STXBP5L: variants seen among roughly 807,000 people sequenced by gnomAD.
STXBP5L encodes syntaxin-binding protein 5-like.
In STXBP5L, 65 loss-of-function variants were observed where a neutral mutation model predicts 144.5. The ratio of observed to expected loss-of-function variants is 0.45; its 90% CI spans 0.37 to 0.55. The LOEUF (loss-of-function observed/expected upper bound fraction) is 0.55, where lower values mean the gene tolerates loss of function less well. Ranked by LOEUF, STXBP5L falls within the 20% of genes least tolerant of loss-of-function variation. STXBP5L has a pLI of 0.00. For synonymous variants in STXBP5L, 505 were observed against 469.6 expected, an observed-to-expected ratio of 1.08 and a Z score of -0.97; for missense variants, 1,298 against 1,405.5, an observed-to-expected ratio of 0.92 and a Z score of 1.22.
chr3:121,005,530 GT>G (rs1300091329), intron 3 of STXBP5L, among the ~76,000 whole-genome samples: 2 of 152,018 alleles, frequency 1.3e-5, no homozygotes, highest in African/African-American at 2.4e-5. Context: ...GTTTTGAAGG[GT>G]TTTTTGTGTC....
At chr3:121,138,215 G>A (rs1446662136) in intron 7 of STXBP5L, among the ~76,000 whole-genome samples, 1 of 151,766 alleles carries the variant, frequency 6.6e-6, no homozygotes, top group Non-Finnish European at 1.5e-5. Context: ...GGTGAAAGGA[G>A]GTCTCTACAT....
At chr3:121,056,897 T>G (rs553546034) in intron 5 of STXBP5L, among the ~76,000 whole-genome samples, 1 of 151,404 alleles carries the variant, frequency 6.6e-6, no homozygotes, top group South Asian at 2.1e-4. Context: ...TATTTTTTTG[T>G]TAAACAAATT....
At chr3:121,235,495 C>T (rs2049447618) in intron 12 of STXBP5L, among the ~76,000 whole-genome samples, 1 of 151,942 alleles carries the variant, frequency 6.6e-6, no homozygotes, top group Admixed American at 6.6e-5. Context: ...AACAATTTTT[C>T]TCAAAAATTT....
chr3:121,342,374 T>C (rs2044746705), intron 20 of STXBP5L, among the ~76,000 whole-genome samples: 1 of 152,070 alleles, frequency 6.6e-6, no homozygotes, highest in African/African-American at 2.4e-5. Flanking sequence ...TACTTTAAGT[T>C]TTAGGGTACA....
At chr3:121,303,405 T>A (rs1011111817) in intron 19 of STXBP5L, among the ~76,000 whole-genome samples, 1 of 152,046 alleles carries the variant, frequency 6.6e-6, no homozygotes, top group Non-Finnish European at 1.5e-5. Context: ...TGTGGAGAAA[T>A]AGGAATACTT....
rs114453054 is a variant in STXBP5L at position 120,915,210 on chromosome 3, T to C, written c.189+5443T>C. On this transcript the variant is annotated intron_variant, in intron 2 of 26. Transcript: ENST00000471454. ...AATCTTAACATAATTTCCAAGTATG[T>C]TTTTCTGTAGGAGTATTATCACTAA... Among the ~76,000 whole-genome samples, 171 of 152,254 alleles carry C rather than the reference T, an allele frequency of 1.1e-3. 1 individual carries two copies. The highest frequency in any genetic ancestry group is 3.8e-3 in the African/African-American group (160 of 41,566).
intron 3 of STXBP5L, among the ~76,000 whole-genome samples, chr3:120,958,426 G>C (rs1160696382): frequency 2.0e-5 from 3 of 152,160 alleles, no homozygotes; most frequent in Admixed American, 2.0e-4. Flanking sequence ...GCATCATCCT[G>C]ATACCAAAGG....
intron 5 of STXBP5L, among the ~76,000 whole-genome samples, chr3:121,113,891 C>T (rs1339950615): frequency 6.6e-6 from 1 of 151,936 alleles, no homozygotes; most frequent in Non-Finnish European, 1.5e-5. Flanking sequence ...CCAGGATGGT[C>T]TTGATCTCTT....
intron 3 of STXBP5L, among the ~76,000 whole-genome samples, chr3:120,960,613 C>G (rs566784127): frequency 1.3e-5 from 2 of 152,130 alleles, no homozygotes; most frequent in Non-Finnish European, 2.9e-5. Flanking sequence ...TTTGTAGGGA[C>G]ATGGATGAAG....
intron 3 of STXBP5L, among the ~76,000 whole-genome samples, chr3:120,997,439 C>G (rs1174336716): frequency 3.3e-5 from 5 of 152,200 alleles, no homozygotes. Context: ...TTCTCCATAA[C>G]TGTGCCAATA....
chr3:121,391,813 T>C (rs2046593829), intron 22 of STXBP5L, among the ~76,000 whole-genome samples: 1 of 152,174 alleles, frequency 6.6e-6, no homozygotes, highest in South Asian at 2.1e-4. Flanking sequence ...ATGAGGTGCC[T>C]GGCTGCCCCT....
At chr3:121,375,226 AACAGATATAAACAT>A (rs2046148327) in intron 20 of STXBP5L, among the ~76,000 whole-genome samples, 2 of 152,232 alleles carry the variant, frequency 1.3e-5, no homozygotes, top group African/African-American at 4.8e-5. Flanking sequence ...TAAGTCTTGG[AACAGATATAAACAT>A]ACAGATATGG....
rs556934895 is a variant in STXBP5L, at chr3:121,421,306, T to G, written c.*2209T>G. The G allele has an allele frequency of 6.6e-6, 1 of 152,318 alleles. No homozygotes were observed. The highest frequency in any genetic ancestry group is 1.5e-5 in the Non-Finnish European group (1 of 68,016). 9.4% of individuals were successfully genotyped at this position (152,318 alleles called of 1,614,324 possible). On this transcript the variant is annotated 3_prime_UTR_variant, in exon 27 of 27. Coordinates refer to ENST00000471454, the MANE Select transcript of STXBP5L (RefSeq NM_001308330.2). ...TGATGAGTATTTCTGAAGCCTTCAA[T>G]AAGATTTAACTTGTTTTAACTTGAT...
At chr3:121,408,719 G>C (rs1158755013) in intron 23 of STXBP5L, among the ~76,000 whole-genome samples, 2 of 151,902 alleles carry the variant, frequency 1.3e-5, no homozygotes, top group Non-Finnish European at 2.9e-5. Flanking sequence ...ACCTTCTCTA[G>C]CCATGTGTTA....
In STXBP5L at chr3:121,076,297, A is replaced by C. The variant is rs1280266957; in HGVS notation, c.470+30762A>C. ...CTTCTGAGTCTGAGCCTCTGTAGGC[A>C]GCTGGGGCAGCCTCCTGTCTAAGCC... is the stretch of plus-strand genomic sequence containing the variant. On this transcript the variant is annotated intron_variant, in intron 5 of 26. Transcript: ENST00000471454. 2.0e-5 allele frequency among the ~76,000 whole-genome samples: 3 copies of C among 152,294 alleles called. No homozygotes were observed. In the East Asian group the frequency reaches 5.8e-4, roughly 29 times the overall value.
intron 5 of STXBP5L, among the ~76,000 whole-genome samples, chr3:121,051,723 A>C (rs1948014807): frequency 6.6e-6 from 1 of 152,322 alleles, no homozygotes; most frequent in African/African-American, 2.4e-5. Flanking sequence ...AGAAGGCAAG[A>C]AATAACTAAA....
At chr3:121,345,193 T>C (rs1477214439) in intron 20 of STXBP5L, among the ~76,000 whole-genome samples, 1 of 151,972 alleles carries the variant, frequency 6.6e-6, no homozygotes, top group Non-Finnish European at 1.5e-5. Context: ...CCGTGTGTGA[T>C]GTTCCTCACC....
At chr3:121,191,960 G>A (rs1435265516) in intron 9 of STXBP5L, among the ~76,000 whole-genome samples, 1 of 151,992 alleles carries the variant, frequency 6.6e-6, no homozygotes, top group Non-Finnish European at 1.5e-5. Context: ...GTGGGGGATG[G>A]GGGGAGGGAT....
intron 5 of STXBP5L, among the ~76,000 whole-genome samples, chr3:121,059,444 G>A (rs752256645): frequency 8.5e-5 from 13 of 152,068 alleles, no homozygotes; most frequent in African/African-American, 1.2e-4. Context: ...TAGGATTGTC[G>A]TGGCTATGTG....
Sources: allele counts gnomAD v4.1 joint callset (sites outside exome capture counted in the v4.1 genomes callset), GRCh38; gene constraint gnomAD v4.1.1; transcripts MANE v1.5; gene names NCBI Gene and HGNC (gene_info 2026-07-23, HGNC 2026-07-21).